The following GRM8 variants were observed in gnomAD, a reference collection of about 807,000 sequenced individuals.
The protein encoded by GRM8 is metabotropic glutamate receptor 8.
A neutral mutation model predicts 87.2 loss-of-function variants in GRM8; 47 were observed. The ratio of observed to expected loss-of-function variants is 0.54; its 90% CI spans 0.43 to 0.69. The LOEUF is 0.69. Among genes scored for constraint, GRM8 ranks in the 30% least tolerant of loss-of-function variants. The pLI is 0.00. For synonymous variants in GRM8, 396 were observed against 404.5 expected, an observed-to-expected ratio of 0.98 and a Z score of 0.25; for missense variants, 1,019 against 1,139.2, an observed-to-expected ratio of 0.89 and a Z score of 1.52.
chr7:126,506,716 T>C (rs1810525796), intron 9 of GRM8, among the ~76,000 whole-genome samples: 1 of 151,694 alleles, frequency 6.6e-6, no homozygotes, highest in Non-Finnish European at 1.5e-5. Context: ...GAAACAAAGG[T>C]TGCCGAGAGC....
At chr7:126,508,257 A>G (rs1402277659) in intron 9 of GRM8, among the ~76,000 whole-genome samples, 2 of 151,780 alleles carry the variant, frequency 1.3e-5, no homozygotes, top group African/African-American at 4.8e-5. Flanking sequence ...ACTGGCACAC[A>G]CACACACACA....
At chr7:126,847,494 C>T (rs1796810820) in intron 6 of GRM8, among the ~76,000 whole-genome samples, 1 of 152,162 alleles carries the variant, frequency 6.6e-6, no homozygotes, top group South Asian at 2.1e-4. Context: ...TTCCACTCAG[C>T]ATCCACTGAT....
intron 7 of GRM8, among the ~76,000 whole-genome samples, chr7:126,766,317 C>T (rs1452162995): frequency 1.3e-5 from 2 of 152,086 alleles, no homozygotes; most frequent in African/African-American, 4.8e-5. Flanking sequence ...GCAGAATCTT[C>T]CTCCACACCG....
At chr7:126,826,200 T>C (rs868851202) in intron 6 of GRM8, among the ~76,000 whole-genome samples, 194 of 152,262 alleles carry the variant, frequency 1.3e-3, no homozygotes, top group South Asian at 0.011. Context: ...TGTGTCTTTA[T>C]AGTAGCATGA....
intron 7 of GRM8, among the ~76,000 whole-genome samples, chr7:126,662,140 C>A (rs1337085210): frequency 6.6e-6 from 1 of 151,954 alleles, no homozygotes; most frequent in Non-Finnish European, 1.5e-5. Flanking sequence ...TTTTTATTTT[C>A]TCCAGGGATT....
intron 9 of GRM8, among the ~76,000 whole-genome samples, chr7:126,527,929 G>A (rs1032828335): frequency 2.0e-5 from 3 of 152,114 alleles, no homozygotes; most frequent in African/African-American, 7.2e-5. Context: ...CTTTCAGGCC[G>A]GGTGCAGTGG....
chr7:126,778,856 C>T (rs1346084084), intron 6 of GRM8, among the ~76,000 whole-genome samples: 3 of 151,076 alleles, frequency 2.0e-5, no homozygotes, highest in Non-Finnish European at 4.4e-5. Flanking sequence ...TTTTAAATTA[C>T]AAAAGTAATA....
Position 127,167,787 on chromosome 7 carries a change from CA to C in GRM8, c.511-61076del. Among the ~76,000 whole-genome samples, 8 of 152,188 alleles carry C rather than the reference CA, an allele frequency of 5.3e-5. 2 individuals carry two copies. The highest frequency in any genetic ancestry group is 5.2e-4 in the Admixed American group (8 of 15,270). On this transcript the variant is annotated intron_variant, in intron 2 of 10. Coordinates refer to ENST00000339582, the MANE Select transcript of GRM8 (RefSeq NM_000845.3). Reference sequence around the variant, plus strand: ...CCTTTCCTTCCTATTCCCTCAGACACAAGATTAAAATTAGGCCAATTAGTAA... The same window carrying C: ...CCTTTCCTTCCTATTCCCTCAGACACAGATTAAAATTAGGCCAATTAGTAA...
chr7:127,128,351 C>G (rs1827488125), intron 2 of GRM8, among the ~76,000 whole-genome samples: 1 of 152,110 alleles, frequency 6.6e-6, no homozygotes, highest in Non-Finnish European at 1.5e-5. Flanking sequence ...GAGGATCATA[C>G]TACTCTGATG....
intron 2 of GRM8, among the ~76,000 whole-genome samples, chr7:127,130,070 C>G (rs1361315237): frequency 6.6e-6 from 1 of 152,112 alleles, no homozygotes; most frequent in Non-Finnish European, 1.5e-5. Flanking sequence ...GTGGCAGGTT[C>G]CCCTGCTCTG....
At chr7:127,052,370 C>G (rs1819578813) in intron 3 of GRM8, among the ~76,000 whole-genome samples, 1 of 152,184 alleles carries the variant, frequency 6.6e-6, no homozygotes, top group Non-Finnish European at 1.5e-5. Flanking sequence ...GTAGTTGTTC[C>G]CTGTCCAGCT....
At chr7:126,667,832 C>A (rs1805936962) in intron 7 of GRM8, among the ~76,000 whole-genome samples, 1 of 152,182 alleles carries the variant, frequency 6.6e-6, no homozygotes, top group Admixed American at 6.5e-5. Context: ...GTGGTGTCAC[C>A]AGTGCATCCA....
intron 9 of GRM8, among the ~76,000 whole-genome samples, chr7:126,450,248 C>T (rs1186018381): frequency 1.3e-5 from 2 of 151,742 alleles, no homozygotes; most frequent in Non-Finnish European, 2.9e-5. Flanking sequence ...CACAGACCAC[C>T]ACAGACTCTG....
chr7:126,921,073 C>T (rs1392100138), intron 3 of GRM8, among the ~76,000 whole-genome samples: 2 of 152,036 alleles, frequency 1.3e-5, no homozygotes, highest in African/African-American at 4.8e-5. Context: ...GGAGCCTTTA[C>T]CGTGAAAGTC....
chr7:126,655,413 A>G (rs1278932531), intron 7 of GRM8, among the ~76,000 whole-genome samples: 1 of 152,058 alleles, frequency 6.6e-6, no homozygotes, highest in South Asian at 2.1e-4. Flanking sequence ...CTCATCTCGA[A>G]TTATCATCCC....
rs1237662707 is a variant in GRM8 at position 127,144,257 on chromosome 7, A to C, written c.511-37545T>G. ...TAAAGTCATAAAGTTTATCAAGAAG[A>C]AAAAGAAAAGAATAAGTTCTTTAAA... On this transcript the variant is annotated intron_variant, in intron 2 of 10. Coordinates refer to ENST00000339582, the MANE Select transcript of GRM8 (RefSeq NM_000845.3). 9.2e-5 allele frequency among the ~76,000 whole-genome samples: 14 copies of C among 152,264 alleles called. No individual in the cohort carries two copies. The South Asian group carries it at 2.9e-3, about 32-fold the overall frequency.
At chr7:126,937,613 T>G (rs1806472881) in intron 3 of GRM8, among the ~76,000 whole-genome samples, 2 of 152,202 alleles carry the variant, frequency 1.3e-5, no homozygotes, top group South Asian at 4.1e-4. Flanking sequence ...GAGTTTGGAT[T>G]GGCCAAGATG....
At chr7:127,062,260 G>A (rs1462236995) in intron 3 of GRM8, among the ~76,000 whole-genome samples, 1 of 152,234 alleles carries the variant, frequency 6.6e-6, no homozygotes, top group Admixed American at 6.5e-5. Flanking sequence ...GAAGCCAGGT[G>A]TGCAGGAGGA....
chr7:126,606,926 T>C (rs1163277088), intron 8 of GRM8, among the ~76,000 whole-genome samples: 2 of 152,216 alleles, frequency 1.3e-5, no homozygotes, highest in African/African-American at 4.8e-5. Context: ...TGTAAAATTA[T>C]GTTATGTAAT....
Sources: allele counts gnomAD v4.1 joint callset (sites outside exome capture counted in the v4.1 genomes callset), GRCh38; gene constraint gnomAD v4.1.1; transcripts MANE v1.5; gene names NCBI Gene and HGNC (gene_info 2026-07-23, HGNC 2026-07-21).